The following TNNI3K variants were observed in gnomAD, a reference collection of about 807,000 sequenced individuals.
TNNI3K encodes TNNI3 interacting kinase.
Under a neutral mutation model 114.5 loss-of-function variants are expected in TNNI3K, and 140 were observed. The observed-to-expected ratio is 1.22, with a 90% CI of 1.07 to 1.41. TNNI3K has a LOEUF of 1.41. Among genes scored for constraint, TNNI3K ranks in the 40% most tolerant of loss-of-function variants. The pLI is 0.00. For missense variants in TNNI3K, 1,125 were observed against 1,007.6 expected (o/e 1.12, Z -1.58); for synonymous variants, 347 against 347.5 (o/e 1.00, Z 0.02).
intron 21 of TNNI3K, among the ~76,000 whole-genome samples, chr1:74,486,893 T>G (rs1314856701): frequency 6.6e-6 from 1 of 152,160 alleles, no homozygotes. Flanking sequence ...TTTAATGCTA[T>G]GCCAAGTGAA....
chr1:74,480,606 A>G (rs1249381541), intron 21 of TNNI3K: 7 of 717,146 alleles, frequency 9.8e-6, no homozygotes, highest in African/African-American at 7.0e-5. Context: ...GTGCCTCCGA[A>G]AGAACTGTCT....
intron 23 of TNNI3K, among the ~76,000 whole-genome samples, chr1:74,504,260 C>G (rs9726029): frequency 0.019 from 2,962 of 152,272 alleles, 92 homozygotes; most frequent in African/African-American, 0.067. Flanking sequence ...AACTCCTTTT[C>G]GGCTGATGTG....
At chr1:74,257,260 C>A (rs988372798) in intron 4 of TNNI3K, among the ~76,000 whole-genome samples, 1 of 152,102 alleles carries the variant, frequency 6.6e-6, no homozygotes, top group Non-Finnish European at 1.5e-5. Context: ...TTCAATTTCT[C>A]TGCTATGATG....
At chr1:74,414,606 A>G (rs1557551786) in intron 17 of TNNI3K, among the ~76,000 whole-genome samples, 2 of 152,214 alleles carry the variant, frequency 1.3e-5, no homozygotes, top group Non-Finnish European at 2.9e-5. Context: ...GGCAAATGCT[A>G]TGTTGGTACA....
At chr1:74,448,070 T>A (rs1316194313) in intron 20 of TNNI3K, among the ~76,000 whole-genome samples, 10 of 78,968 alleles carry the variant, frequency 1.3e-4, no homozygotes, top group Non-Finnish European at 2.4e-5. Context: ...TGAGATCACA[T>A]GGACACAGGA....
chr1:74,358,255 A>G (rs1163773629), intron 11 of TNNI3K, among the ~76,000 whole-genome samples: 1 of 152,150 alleles, frequency 6.6e-6, no homozygotes, highest in Non-Finnish European at 1.5e-5. Context: ...ATTACCCAGA[A>G]TACAATATTT....
chr1:74,293,100 T>C (rs947257785), intron 5 of TNNI3K, among the ~76,000 whole-genome samples: 3 of 151,706 alleles, frequency 2.0e-5, no homozygotes, highest in South Asian at 2.1e-4. Context: ...AGGCATTTTG[T>C]AAATGGCATA....
intron 20 of TNNI3K, among the ~76,000 whole-genome samples, chr1:74,452,386 G>A (rs751298542): frequency 5.9e-5 from 9 of 152,108 alleles, no homozygotes; most frequent in Non-Finnish European, 1.0e-4. Flanking sequence ...TGGCACTCTC[G>A]TTCTCTAGGT....
intron 17 of TNNI3K, chr1:74,416,559 A>T: frequency 1.0e-6 from 1 of 985,326 alleles, no homozygotes; most frequent in Non-Finnish European, 1.2e-6. Flanking sequence ...ATAACTTTGC[A>T]TTCCCCTGAT....
At chr1:74,368,928 TTA>T in intron 13 of TNNI3K, 92 bp from the exon 14 acceptor site, 1 of 1,029,414 alleles carries the variant, frequency 9.7e-7, no homozygotes, top group Non-Finnish European at 1.3e-6. Context: ...TATTAGGAAA[TTA>T]TGTTTTTAGT....
At chr1:74,379,469 C>T (rs565904615) in intron 17 of TNNI3K, among the ~76,000 whole-genome samples, 2 of 152,158 alleles carry the variant, frequency 1.3e-5, no homozygotes, top group African/African-American at 4.8e-5. Flanking sequence ...CTACAAATTA[C>T]TCTAATCCTA....
intron 17 of TNNI3K, among the ~76,000 whole-genome samples, chr1:74,405,574 A>G (rs1020659279): frequency 6.6e-6 from 1 of 152,216 alleles, no homozygotes; most frequent in African/African-American, 2.4e-5. Flanking sequence ...CACTTAAAAG[A>G]CTTCATGACA....
chr1:74,460,063 A>G (rs544572966), intron 20 of TNNI3K, among the ~76,000 whole-genome samples: 1 of 152,168 alleles, frequency 6.6e-6, no homozygotes, highest in East Asian at 1.9e-4. Context: ...ATGCTATCAT[A>G]TTTAACAACA....
chr1:74,487,419 A>T (rs953377430), intron 21 of TNNI3K, among the ~76,000 whole-genome samples: 1 of 152,192 alleles, frequency 6.6e-6, no homozygotes, highest in Admixed American at 6.5e-5. Context: ...TGAATGGACT[A>T]GAAATATGTA....
intron 20 of TNNI3K, among the ~76,000 whole-genome samples, chr1:74,453,372 A>C (rs900342834): frequency 6.6e-6 from 1 of 152,188 alleles, no homozygotes; most frequent in Non-Finnish European, 1.5e-5. Flanking sequence ...ATATCATTTC[A>C]GTGGTTAGGC....
chr1:74,393,234 GAGTT>G (rs753706402), intron 17 of TNNI3K, among the ~76,000 whole-genome samples: 51 of 151,814 alleles, frequency 3.4e-4, no homozygotes, highest in Admixed American at 8.5e-4. Context: ...CAGGAATATT[GAGTT>G]AGTTAGGGAT....
intron 21 of TNNI3K, chr1:74,471,992 C>T (rs545759786): frequency 2.2e-5 from 14 of 635,258 alleles, no homozygotes; most frequent in South Asian, 7.5e-5. Flanking sequence ...TTTTTTTGTA[C>T]GATCTTTTGT....
At chr1:74,297,702 T>C (rs1177310850) in intron 5 of TNNI3K, among the ~76,000 whole-genome samples, 1 of 152,180 alleles carries the variant, frequency 6.6e-6, no homozygotes, top group Non-Finnish European at 1.5e-5. Context: ...ATTTGGGTTT[T>C]CTCATAGCAT....
At chr1:74,252,185 T>C (rs747288595) in intron 4 of TNNI3K, among the ~76,000 whole-genome samples, 2 of 152,362 alleles carry the variant, frequency 1.3e-5, no homozygotes, top group East Asian at 3.9e-4. Context: ...CTGAATCATT[T>C]AGTCCTACAA....
Sources: allele counts gnomAD v4.1 joint callset (sites outside exome capture counted in the v4.1 genomes callset), GRCh38; gene constraint gnomAD v4.1.1; transcripts MANE v1.5; gene names NCBI Gene and HGNC (gene_info 2026-07-23, HGNC 2026-07-21).